The following AFG1L variants were observed in gnomAD, a reference collection of about 807,000 sequenced individuals.
The protein encoded by AFG1L is AFG1-like ATPase.
A neutral mutation model predicts 62.2 loss-of-function variants in AFG1L; 53 were observed. The ratio of observed to expected loss-of-function variants is 0.85; its 90% CI spans 0.68 to 1.07. The LOEUF is 1.07. Among genes scored for constraint, AFG1L ranks in the 50% least tolerant of loss-of-function variants. The pLI, the probability that AFG1L is intolerant of heterozygous loss-of-function variation, is 0.00. For synonymous variants in AFG1L, 228 were observed against 210.3 expected (o/e 1.08, Z -0.73); for missense variants, 555 against 590.5 (o/e 0.94, Z 0.62).
At chr6:108,394,876 A>G (rs1241708283) in intron 6 of AFG1L, among the ~76,000 whole-genome samples, 2 of 152,188 alleles carry the variant, frequency 1.3e-5, no homozygotes, top group Admixed American at 1.3e-4. Flanking sequence ...AATCATGGCT[A>G]TCAACTCTTA....
intron 2 of AFG1L, among the ~76,000 whole-genome samples, chr6:108,334,434 G>C (rs889891780): frequency 6.6e-6 from 1 of 151,888 alleles, no homozygotes; most frequent in Admixed American, 6.6e-5. Flanking sequence ...CGTCATGCCT[G>C]TAATCCCAGC....
chr6:108,369,335 C>T (rs1417266186), intron 6 of AFG1L, among the ~76,000 whole-genome samples: 1 of 152,146 alleles, frequency 6.6e-6, no homozygotes, highest in African/African-American at 2.4e-5. Flanking sequence ...AAAAAAGTTA[C>T]ATATTATAAG....
rs1379056247 is a variant in AFG1L at position 108,365,479 on chromosome 6, G to T, written c.649-754G>T. ...GGGACTATATTAGCCATTCTTGAAA[G>T]GTGGTTTTTTTTGTTTTTTTTTTTT... On this transcript the variant is annotated intron_variant, in intron 5 of 12. Coordinates refer to ENST00000368977, the MANE Select transcript of AFG1L (RefSeq NM_145315.5). 1.4e-5 allele frequency among the ~76,000 whole-genome samples: 2 copies of T among 139,760 alleles called. 1 individual carries two copies. The allele number at this position is 139,760 out of a possible 152,430, so 91.7% of individuals were successfully genotyped here.
At chr6:108,396,899 A>C (rs964380860) in intron 6 of AFG1L, among the ~76,000 whole-genome samples, 1 of 152,226 alleles carries the variant, frequency 6.6e-6, no homozygotes, top group African/African-American at 2.4e-5. Flanking sequence ...CCTCTCAAGC[A>C]CGTATCCTTT....
Position 108,302,676 on chromosome 6 carries a change from A to G in AFG1L, c.139+7458A>G, listed in dbSNP as rs1777052154. On this transcript the variant is annotated intron_variant, in intron 1 of 12. Transcript: ENST00000368977. ...CCAAAGGAGCTTTTATTGGCGCTAT[A>G]AGTCAAGTTTGATTCCTTAAAGGAA... 2.0e-5 allele frequency among the ~76,000 whole-genome samples: 3 copies of G among 152,166 alleles called. No individual in the cohort carries two copies. The South Asian group carries it at 6.2e-4, about 32-fold the overall frequency.
intron 6 of AFG1L, among the ~76,000 whole-genome samples, chr6:108,366,573 T>TG (rs1779768187): frequency 6.6e-6 from 1 of 151,480 alleles, no homozygotes; most frequent in South Asian, 2.1e-4. Flanking sequence ...TTTTTGTTTT[T>TG]TTTTTTCCCT....
chr6:108,407,168 C>G (rs71539085), intron 7 of AFG1L, among the ~76,000 whole-genome samples: 1 of 152,068 alleles, frequency 6.6e-6, no homozygotes, highest in Non-Finnish European at 1.5e-5. Context: ...CTAGGCTTCC[C>G]TTAGCCTTTG....
chr6:108,347,652 C>T (rs1003199049), intron 3 of AFG1L, among the ~76,000 whole-genome samples: 2 of 152,176 alleles, frequency 1.3e-5, no homozygotes, highest in Admixed American at 6.5e-5. Flanking sequence ...TCCCTGACCT[C>T]ATTCTTACTG....
intron 10 of AFG1L, among the ~76,000 whole-genome samples, chr6:108,502,876 A>T (rs979594953): frequency 6.6e-6 from 1 of 152,234 alleles, no homozygotes; most frequent in African/African-American, 2.4e-5. Context: ...AACTAAGTTT[A>T]TGTAATAGTC....
At chr6:108,379,961 A>AGCTGCCGATCCAGGTGAGTGAT (rs1469002351) in intron 6 of AFG1L, among the ~76,000 whole-genome samples, 16 of 149,634 alleles carry the variant, frequency 1.1e-4, no homozygotes, top group Non-Finnish European at 2.1e-4. Context: ...GGGCAGGTCA[A>AGCTGCCGATCCAGGTGAGTGAT]GCTGCCGATC....
intron 6 of AFG1L, among the ~76,000 whole-genome samples, chr6:108,368,695 A>G (rs889921754): frequency 2.6e-5 from 4 of 152,216 alleles, no homozygotes; most frequent in Non-Finnish European, 1.5e-5. Context: ...GTGACAAGCT[A>G]TGCTCGTAAA....
chr6:108,379,508 G>A (rs149096983), intron 6 of AFG1L, among the ~76,000 whole-genome samples: 96 of 152,312 alleles, frequency 6.3e-4, no homozygotes, highest in African/African-American at 2.1e-3. Context: ...TGCACTCCTT[G>A]TTCAGCTCTG....
intron 1 of AFG1L, among the ~76,000 whole-genome samples, chr6:108,321,564 C>T (rs1481072688): frequency 2.0e-5 from 3 of 152,176 alleles, no homozygotes; most frequent in African/African-American, 7.2e-5. Context: ...GAAAACACTC[C>T]TATTACTCAG....
At chr6:108,430,336 A>G (rs1771015352) in intron 7 of AFG1L, among the ~76,000 whole-genome samples, 3 of 152,258 alleles carry the variant, frequency 2.0e-5, no homozygotes, top group Admixed American at 2.0e-4. Context: ...AAGTTGAGGT[A>G]TCATACTCTG....
intron 2 of AFG1L, among the ~76,000 whole-genome samples, chr6:108,339,584 C>T (rs1407655539): frequency 1.3e-5 from 2 of 151,702 alleles, no homozygotes; most frequent in South Asian, 2.1e-4. Context: ...CTCAGTCTCC[C>T]ATGTAGCTGG....
chr6:108,438,418 A>G (rs1489874473), intron 7 of AFG1L, among the ~76,000 whole-genome samples: 1 of 152,180 alleles, frequency 6.6e-6, no homozygotes, highest in Non-Finnish European at 1.5e-5. Flanking sequence ...TCCTCTTCTC[A>G]TAAGGATACC....
chr6:108,403,779 G>T (rs938633138), intron 7 of AFG1L, among the ~76,000 whole-genome samples: 4 of 151,526 alleles, frequency 2.6e-5, no homozygotes, highest in African/African-American at 9.7e-5. Flanking sequence ...GAACAACTTT[G>T]TAGCTGTACT....
At chr6:108,511,732 G>A (rs918741524) in intron 11 of AFG1L, among the ~76,000 whole-genome samples, 2 of 152,142 alleles carry the variant, frequency 1.3e-5, no homozygotes, top group African/African-American at 4.8e-5. Flanking sequence ...AATTGAAGGG[G>A]CTTTGTGGGA....
At chr6:108,509,958 G>T (rs548945432) in intron 10 of AFG1L, among the ~76,000 whole-genome samples, 1 of 152,260 alleles carries the variant, frequency 6.6e-6, no homozygotes, top group East Asian at 1.9e-4. Context: ...TAGGTATGTA[G>T]TTATGTATAA....
Sources: allele counts gnomAD v4.1 joint callset (sites outside exome capture counted in the v4.1 genomes callset), GRCh38; gene constraint gnomAD v4.1.1; transcripts MANE v1.5; gene names NCBI Gene and HGNC (gene_info 2026-07-23, HGNC 2026-07-21).